The following CLEC4F variants were observed in gnomAD, a reference collection of about 807,000 sequenced individuals.
CLEC4F encodes the protein C-type lectin domain family 4 member F.
CLEC4F carries 45 observed loss-of-function variants against 53.4 expected under a neutral mutation model. The observed-to-expected ratio is 0.84, with a 90% confidence interval of 0.66 to 1.08. The LOEUF is 1.08. Among genes scored for constraint, CLEC4F ranks in the 50% least tolerant of loss-of-function variants. The probability of loss-of-function intolerance (pLI) is 0.00; values close to 1 mark genes in which losing one functional copy is unlikely to be tolerated. For missense variants in CLEC4F, 753 were observed against 698.2 expected (o/e 1.08, Z -0.88); for synonymous variants, 245 against 257.5 (o/e 0.95, Z 0.46).
At chr2:70,811,664 G>A (rs991974844) in intron 5 of CLEC4F, among the ~76,000 whole-genome samples, 1 of 152,150 alleles carries the variant, frequency 6.6e-6, no homozygotes, top group Non-Finnish European at 1.5e-5. Context: ...CCACGACAGT[G>A]AGCCACCTGG....
chr2:70,820,687 G>C, upstream of CLEC4F: 1 of 605,022 alleles, frequency 1.7e-6, no homozygotes, highest in South Asian at 2.2e-5. Flanking sequence ...GCAGAAACCC[G>C]CCCCAGTGGG....
rs1676403196 is a variant in CLEC4F at position 70,809,258 on chromosome 2, G to C, written c.*13C>G. On this transcript the variant is annotated 3_prime_UTR_variant, in exon 7 of 7. Coordinates refer to ENST00000272367, the MANE Select transcript of CLEC4F (RefSeq NM_173535.3). ...GAAGGAGTACCCTGAGGGTGTCTGT[G>C]CTCAGGTTGCTCTTAGTTACTGAGG... 4 of 1,613,304 alleles carry C rather than the reference G, an allele frequency of 2.5e-6. No homozygotes were observed. The African/African-American group carries it at 5.3e-5, about 22-fold the overall frequency.
At chr2:70,817,247 C>T in intron 3 of CLEC4F, 135 bp from the exon 4 acceptor site, 1 of 900,754 alleles carries the variant, frequency 1.1e-6, no homozygotes, top group South Asian at 1.8e-5. Context: ...CCCAAGCACC[C>T]TCCTGGTCAC....
In CLEC4F at chr2:70,808,899, C is replaced by G. The variant is rs911732878; in HGVS notation, c.*372G>C. 6 of 619,050 alleles carry G rather than the reference C, an allele frequency of 9.7e-6. No individual in the cohort carries two copies. The highest frequency in any genetic ancestry group is 5.6e-5 in the Admixed American group (2 of 35,406). The allele number at this position is 619,050 out of a possible 1,614,324, so 38.3% of individuals were successfully genotyped here. A position where few individuals can be genotyped will look rare whatever the true frequency, so the allele number is the denominator to read the frequency against. ...GAGGAGGAGGGTCAGTATTGGCAAG[C>G]AGGAGCAGCCCCTCAGCTCTGGCCT... is the stretch of plus-strand genomic sequence containing the variant. On this transcript the variant is annotated 3_prime_UTR_variant, in exon 7 of 7. Transcript: ENST00000272367.
Position 70,816,549 on chromosome 2 carries a change from A to G in CLEC4F, c.832T>C (p.Leu278=), listed in dbSNP as rs782331467. The G allele has an allele frequency of 1.2e-6, 2 of 1,613,498 alleles. No homozygotes were observed. The highest frequency in any genetic ancestry group is 1.7e-6 in the Non-Finnish European group (2 of 1,179,880). Reference sequence around the variant, plus strand: ...TGGATCTCAGCATTGGCTCCTTCCAAACTATTTCTTAAAACCTGGTTCTGG... The same window carrying G: ...TGGATCTCAGCATTGGCTCCTTCCAGACTATTTCTTAAAACCTGGTTCTGG... ...RTQNQVLRNS[L]EGANAEIQGL... Residue 278 remains leucine (L), a synonymous_variant, in exon 4 of 7, where the codon TTG becomes CTG. Coordinates refer to ENST00000272367, the MANE Select transcript of CLEC4F (RefSeq NM_173535.3).
At chr2:70,825,036 G>T (rs1302975671), upstream of CLEC4F, among the ~76,000 whole-genome samples, 2 of 152,158 alleles carry the variant, frequency 1.3e-5, no homozygotes, top group Non-Finnish European at 2.9e-5. Context: ...GGAGATCAAG[G>T]TCAACGCCAA....
chr2:70,819,891 T>C lies in CLEC4F; in HGVS notation c.62A>G (p.Glu21Gly), dbSNP rs1677142461. Residue 21 changes from glutamate (E) to glycine (G), a missense_variant and splice_region_variant, in exon 2 of 7, where the codon GAG becomes GGG. Transcript: ENST00000272367. Reference protein sequence around the residue: ...DNQCVSLHPQEVDSVAMAPAA... With the variant: ...DNQCVSLHPQGVDSVAMAPAA... Reference sequence around the variant, plus strand: ...AGGAGCCATTGCCACAGAGTCCACCTCTGCAGGGGAGAAGGCAGTGTCCAA... The same window carrying C: ...AGGAGCCATTGCCACAGAGTCCACCCCTGCAGGGGAGAAGGCAGTGTCCAA... 3 of 1,578,288 alleles carry C rather than the reference T, an allele frequency of 1.9e-6. No homozygotes were observed. The highest frequency in any genetic ancestry group is 2.4e-5 in the South Asian group (2 of 84,320).
chr2:70,820,350 A>C, intron 1 of CLEC4F, 113 bp downstream of exon 1: 1 of 894,680 alleles, frequency 1.1e-6, no homozygotes, highest in Non-Finnish European at 1.7e-6. Flanking sequence ...ATCCCCAAGG[A>C]CAAGGGTCTG....
At chr2:70,813,373 A>AG (rs1379603717) in intron 4 of CLEC4F, among the ~76,000 whole-genome samples, 1 of 152,192 alleles carries the variant, frequency 6.6e-6, no homozygotes, top group Non-Finnish European at 1.5e-5. Flanking sequence ...TGACTAAAAA[A>AG]CACATGCACA....
upstream of CLEC4F, among the ~76,000 whole-genome samples, chr2:70,824,305 T>C (rs1677294573): frequency 6.6e-6 from 1 of 152,102 alleles, no homozygotes; most frequent in Admixed American, 6.6e-5. Flanking sequence ...TTTATTCCGT[T>C]CGTCTCCTAA....
rs1553393799 is a variant in CLEC4F, at chr2:70,809,867, A to G, written c.1540-10T>C. ...ACTCTACCAGAAATGCCTGCAGAGA[A>G]AAGGCAGTGTCAGTTTGCCCCTGTG... On this transcript the variant is annotated splice_polypyrimidine_tract_variant and intron_variant, in intron 5 of 6. Coordinates refer to ENST00000272367, the MANE Select transcript of CLEC4F (RefSeq NM_173535.3). 1.9e-6 allele frequency: 3 copies of G among 1,593,790 alleles called. No individual in the cohort carries two copies. The Admixed American group carries it at 5.0e-5, about 27-fold the overall frequency.
chr2:70,824,520 G>A (rs1461552166), upstream of CLEC4F, among the ~76,000 whole-genome samples: 1 of 148,752 alleles, frequency 6.7e-6, no homozygotes, highest in Non-Finnish European at 1.5e-5. Context: ...AGGAAACCAG[G>A]GCTCATTAGA....
upstream of CLEC4F, among the ~76,000 whole-genome samples, chr2:70,822,928 CAAAGGTG>C (rs1317565475): frequency 2.2e-4 from 34 of 152,350 alleles, no homozygotes; most frequent in East Asian, 4.0e-3. Flanking sequence ...AGACCAACCA[CAAAGGTG>C]GAGAAGCCAC....
chr2:70,811,163 G>C, intron 5 of CLEC4F: 2 of 702,390 alleles, frequency 2.8e-6, no homozygotes, highest in Non-Finnish European at 5.1e-6. Context: ...AAAATCCATT[G>C]TTCAGCTGCT....
chr2:70,810,168 T>G (rs2104624203), intron 5 of CLEC4F, among the ~76,000 whole-genome samples: 1 of 152,072 alleles, frequency 6.6e-6, no homozygotes, highest in South Asian at 2.1e-4. Context: ...ATGGGTTTGC[T>G]TGATGAGGAT....
intron 3 of CLEC4F, among the ~76,000 whole-genome samples, chr2:70,817,429 T>G (rs1026573791): frequency 6.6e-6 from 1 of 152,252 alleles, no homozygotes; most frequent in African/African-American, 2.4e-5. Context: ...TTTGTCGTTA[T>G]AATTGCTCAA....
At chr2:70,812,332 G>A in intron 5 of CLEC4F, 115 bp downstream of exon 5, 1 of 1,131,658 alleles carries the variant, frequency 8.8e-7, no homozygotes, top group South Asian at 1.5e-5. Context: ...TCCCTGCCTG[G>A]CAGAGGAGAC....
intron 4 of CLEC4F, among the ~76,000 whole-genome samples, chr2:70,812,818 G>A (rs1225983167): frequency 2.6e-5 from 4 of 152,154 alleles, no homozygotes; most frequent in Admixed American, 6.5e-5. Flanking sequence ...GGGCACTCCT[G>A]GGAGGCTCAG....
chr2:70,823,924 G>A (rs543450641), upstream of CLEC4F, among the ~76,000 whole-genome samples: 24 of 151,688 alleles, frequency 1.6e-4, no homozygotes, highest in South Asian at 5.0e-3. Context: ...CAGCTACTCG[G>A]GAGGCTGAGA....
Sources: allele counts gnomAD v4.1 joint callset (sites outside exome capture counted in the v4.1 genomes callset), GRCh38; gene constraint gnomAD v4.1.1; transcripts MANE v1.5; gene names NCBI Gene and HGNC (gene_info 2026-07-23, HGNC 2026-07-21).